Variants in PTPRR observed in about 807,000 individuals in gnomAD.
PTPRR encodes receptor-type tyrosine-protein phosphatase R.
A neutral mutation model predicts 77.2 loss-of-function variants in PTPRR; 38 were observed. That is an observed-to-expected ratio of 0.49 (90% CI 0.38 to 0.65). PTPRR has a LOEUF of 0.65. Among genes scored for constraint, PTPRR ranks in the 30% least tolerant of loss-of-function variants. The pLI is 0.00. For synonymous variants in PTPRR, 299 were observed against 283.1 expected, an observed-to-expected ratio of 1.06 and a Z score of -0.57; for missense variants, 744 against 799.2, an observed-to-expected ratio of 0.93 and a Z score of 0.83.
intron 13 of PTPRR, among the ~76,000 whole-genome samples, chr12:70,646,438 A>G (rs150282459): frequency 8.5e-5 from 13 of 152,334 alleles, no homozygotes; most frequent in African/African-American, 2.6e-4. Flanking sequence ...AATTCAATTG[A>G]TGAGTCTAAC....
chr12:70,832,420 A>G (rs949771826), intron 2 of PTPRR, among the ~76,000 whole-genome samples: 8 of 152,180 alleles, frequency 5.3e-5, no homozygotes, highest in African/African-American at 1.9e-4. Context: ...TTAAAATATT[A>G]TGGATAAAGG....
rs145678045 is a variant in PTPRR at position 70,645,430 on chromosome 12, C to T, written c.1881-6153G>A. On this transcript the variant is annotated intron_variant, in intron 13 of 13. Coordinates refer to ENST00000283228, the MANE Select transcript of PTPRR (RefSeq NM_002849.4). ...TTTTTCTTATTCTTAGTTAATACGA[C>T]ACCTAGGGTAACCATGTTTGGAAGA... Among the ~76,000 whole-genome samples the T allele has an allele frequency of 3.0e-3, 459 of 152,278 alleles. 1 individual carries two copies. Among genetic ancestry groups the T allele is most frequent in the Non-Finnish European group, 4.8e-3 (329 of 68,020 alleles).
At chr12:70,701,463 G>A in intron 6 of PTPRR, 140 bp from the exon 7 acceptor site, 1 of 723,650 alleles carries the variant, frequency 1.4e-6, no homozygotes. Context: ...TTAGTATCAT[G>A]GTTGGCCATA....
intron 4 of PTPRR, among the ~76,000 whole-genome samples, chr12:70,760,975 TC>T (rs1334325355): frequency 6.6e-6 from 1 of 152,192 alleles, no homozygotes; most frequent in Non-Finnish European, 1.5e-5. Context: ...AGACTTAAGT[TC>T]TTTAAAAAAC....
chr12:70,876,693 C>T (rs930837178), intron 2 of PTPRR, among the ~76,000 whole-genome samples: 1 of 152,124 alleles, frequency 6.6e-6, no homozygotes, highest in Non-Finnish European at 1.5e-5. Context: ...ACTTGATCTT[C>T]CCTAATAAAT....
chr12:70,728,486 ATATATATG>A (rs200741306), intron 6 of PTPRR, among the ~76,000 whole-genome samples: 4,013 of 15,592 alleles, frequency 0.26, 237 homozygotes, highest in Middle Eastern at 0.33. Flanking sequence ...ATATATATAT[ATATATATG>A]TATGTATGTA....
Position 70,848,222 on chromosome 12 carries a change from G to A in PTPRR, c.357+44457C>T, listed in dbSNP as rs373523717. ...ACTTGATGTGTAGACAATCGTACTAGCACTGAATAATCTCCATTTGCAATA... is the reference window on the plus strand; with the variant it reads ...ACTTGATGTGTAGACAATCGTACTAACACTGAATAATCTCCATTTGCAATA... On this transcript the variant is annotated intron_variant, in intron 2 of 13. Coordinates refer to ENST00000283228, the MANE Select transcript of PTPRR (RefSeq NM_002849.4). Among the ~76,000 whole-genome samples the A allele has an allele frequency of 4.6e-5, 7 of 152,288 alleles. No homozygotes were observed. In the South Asian group the frequency reaches 1.5e-3, roughly 32 times the overall value.
At chr12:70,751,037 T>C (rs1450109018) in intron 5 of PTPRR, among the ~76,000 whole-genome samples, 19 of 149,024 alleles carry the variant, frequency 1.3e-4, no homozygotes, top group African/African-American at 3.4e-4. Flanking sequence ...CTGCACTTGG[T>C]CCCCCTGTTA....
intron 2 of PTPRR, among the ~76,000 whole-genome samples, chr12:70,884,633 C>T (rs1429297879): frequency 6.6e-6 from 1 of 151,624 alleles, no homozygotes; most frequent in Non-Finnish European, 1.5e-5. Context: ...TTTGGAAGGC[C>T]GAGGCGGGCG....
intron 2 of PTPRR, among the ~76,000 whole-genome samples, chr12:70,884,653 G>A (rs907077932): frequency 2.6e-5 from 4 of 151,936 alleles, no homozygotes; most frequent in African/African-American, 9.7e-5. Context: ...GGATCACGAG[G>A]TCAGTAAATC....
At chr12:70,813,998 C>CA (rs1336367254) in intron 2 of PTPRR, among the ~76,000 whole-genome samples, 1 of 151,998 alleles carries the variant, frequency 6.6e-6, no homozygotes, top group Non-Finnish European at 1.5e-5. Flanking sequence ...TTCCACCAGC[C>CA]AGAGTATCAA....
At chr12:70,836,505 C>A (rs1892307207) in intron 2 of PTPRR, among the ~76,000 whole-genome samples, 2 of 151,974 alleles carry the variant, frequency 1.3e-5, no homozygotes, top group South Asian at 4.1e-4. Flanking sequence ...TTGTTTTGGA[C>A]TAAAGTCCAA....
intron 10 of PTPRR, chr12:70,672,287 G>A: frequency 1.9e-6 from 3 of 1,592,198 alleles, no homozygotes; most frequent in Non-Finnish European, 2.6e-6. Context: ...AGAACAGAAT[G>A]TGCCCGTGCC....
chr12:70,701,274 T>C lies in PTPRR; in HGVS notation c.1057A>G (p.Ile353Val). 6.2e-7 allele frequency: 1 copy of C among 1,613,956 alleles called. No homozygotes were observed. Among genetic ancestry groups the C allele is most frequent in the Non-Finnish European group, 8.5e-7 (1 of 1,179,902 alleles). Residue 353 changes from isoleucine (I) to valine (V), a missense_variant, in exon 7 of 14, where the codon ATT (isoleucine) becomes GTT (valine). Transcript: ENST00000283228. ...GTTGGTATAGACACAAAGGGTTCAA[T>C]GTTCCCCAAGCTACTCATGTCCAAT... ...LTLDMSSLGN[I>V]EPFVSIPTPR...
intron 2 of PTPRR, among the ~76,000 whole-genome samples, chr12:70,885,534 A>ACT: frequency 7.3e-6 from 1 of 137,062 alleles, no homozygotes; most frequent in East Asian, 2.1e-4. Flanking sequence ...ACAGTTAAGG[A>ACT]TTTTTTTTTT....
At chr12:70,646,942 G>T (rs951410704) in intron 13 of PTPRR, among the ~76,000 whole-genome samples, 2 of 149,666 alleles carry the variant, frequency 1.3e-5, no homozygotes, top group African/African-American at 5.0e-5. Context: ...GATGGCTGTA[G>T]TTAAAAAAAA....
At chr12:70,728,296 ATCTC>A (rs374669141) in intron 6 of PTPRR, among the ~76,000 whole-genome samples, 1 of 121,428 alleles carries the variant, frequency 8.2e-6, no homozygotes, top group African/African-American at 3.1e-5. Context: ...CCCTTCTCTG[ATCTC>A]TCTCTCTCTC....
At chr12:70,758,938 G>T (rs1329462190) in intron 4 of PTPRR, among the ~76,000 whole-genome samples, 1 of 151,614 alleles carries the variant, frequency 6.6e-6, no homozygotes, top group Non-Finnish European at 1.5e-5. Flanking sequence ...TGCTCTTGTT[G>T]TTGTTGTTGT....
intron 2 of PTPRR, among the ~76,000 whole-genome samples, chr12:70,870,661 AG>A (rs1892943998): frequency 6.6e-6 from 1 of 152,228 alleles, no homozygotes; most frequent in Non-Finnish European, 1.5e-5. Flanking sequence ...CTTCTCAAAA[AG>A]TTAACCATCC....
Sources: allele counts gnomAD v4.1 joint callset (sites outside exome capture counted in the v4.1 genomes callset), GRCh38; gene constraint gnomAD v4.1.1; transcripts MANE v1.5; gene names NCBI Gene and HGNC (gene_info 2026-07-23, HGNC 2026-07-21).